Variants in DNAI7 observed in about 807,000 individuals in gnomAD.
DNAI7 encodes the protein dynein axonemal intermediate chain 7.
A neutral mutation model predicts 86.6 loss-of-function variants in DNAI7; 78 were observed. The observed-to-expected ratio is 0.90, with a 90% CI of 0.75 to 1.09. The LOEUF is 1.09. Among genes scored for constraint, DNAI7 ranks in the 50% least tolerant of loss-of-function variants. The pLI is 0.00. For synonymous variants in DNAI7, 274 were observed against 273.0 expected, an observed-to-expected ratio of 1.00 and a Z score of -0.04; for missense variants, 753 against 810.2, an observed-to-expected ratio of 0.93 and a Z score of 0.86.
chr12:25,109,768 T>G (rs917187398), intron 15 of DNAI7, among the ~76,000 whole-genome samples: 4 of 152,120 alleles, frequency 2.6e-5, no homozygotes, highest in African/African-American at 9.7e-5. Flanking sequence ...AACCTCCACC[T>G]CTCAGGTTCA....
In DNAI7 at chr12:25,108,497, C is replaced by T. The variant is rs1399797767; in HGVS notation, c.*51G>A. ...TACATTGTGTTGCAGAAATACCTGTCTTTCACCATGCTTGGTTCTTCATAC... is the reference window on the plus strand; with the variant it reads ...TACATTGTGTTGCAGAAATACCTGTTTTTCACCATGCTTGGTTCTTCATAC... On this transcript the variant is annotated 3_prime_UTR_variant, in exon 16 of 16. Transcript: ENST00000395987. 6.7e-7 allele frequency: 1 copy of T among 1,492,890 alleles called. No individual in the cohort carries two copies. The highest frequency in any genetic ancestry group is 2.3e-5 in the East Asian group (1 of 43,636). 92.5% of individuals were successfully genotyped at this position (1,492,890 alleles called of 1,614,324 possible).
At chr12:25,174,407 G>GATATATATATCATAT (rs1379019332) in intron 2 of DNAI7, among the ~76,000 whole-genome samples, 5 of 274 alleles carry the variant, frequency 0.018, no homozygotes, top group Non-Finnish European at 0.089. Context: ...ATATATATGG[G>GATATATATATCATAT]ATATATGGGA....
intron 5 of DNAI7, 31 bp from the exon 6 acceptor site, chr12:25,154,487 T>C (rs566969018): frequency 4.2e-5 from 66 of 1,580,276 alleles, no homozygotes; most frequent in Non-Finnish European, 3.5e-5. Flanking sequence ...AAGGTTCACA[T>C]TGATGAAGAT....
At chr12:25,153,894 G>C (rs888089544) in intron 6 of DNAI7, among the ~76,000 whole-genome samples, 3 of 152,120 alleles carry the variant, frequency 2.0e-5, no homozygotes, top group Non-Finnish European at 4.4e-5. Flanking sequence ...AGGAACAAAA[G>C]TTAGAATATT....
rs1940807432 is a variant in DNAI7 at position 25,119,308 on chromosome 12, A to T, written c.1240-7T>A. On this transcript the variant is annotated splice_region_variant and splice_polypyrimidine_tract_variant and intron_variant, in intron 11 of 15. Transcript: ENST00000395987. ...GTAATCCTTCTTTGAGTATCTTTTT[A>T]AAATGACCAAAACAACATCAAGTTA... 6.3e-7 allele frequency: 1 copy of T among 1,589,840 alleles called. No homozygotes were observed.
At chr12:25,166,192 A>G (rs968172611) in intron 2 of DNAI7, among the ~76,000 whole-genome samples, 1 of 152,204 alleles carries the variant, frequency 6.6e-6, no homozygotes, top group African/African-American at 2.4e-5. Flanking sequence ...CGCCTGCTAC[A>G]GCATGGCCTT....
At chr12:25,136,005 G>A (rs1016223851) in intron 9 of DNAI7, among the ~76,000 whole-genome samples, 1 of 152,098 alleles carries the variant, frequency 6.6e-6, no homozygotes. Context: ...ACTTATCCAG[G>A]TTACCTTAGG....
chr12:25,107,093 G>A (rs752106415), downstream of DNAI7: 92 of 1,139,188 alleles, frequency 8.1e-5, no homozygotes, highest in Non-Finnish European at 1.1e-4. Context: ...TAGTGGAATG[G>A]GAAAGGGTGA....
chr12:25,164,755 G>A (rs117991678), intron 2 of DNAI7, among the ~76,000 whole-genome samples: 8,978 of 151,704 alleles, frequency 0.059, 366 homozygotes, highest in Non-Finnish European at 0.089. Flanking sequence ...AACCCCACGC[G>A]TCGCTGAGTC....
intron 9 of DNAI7, among the ~76,000 whole-genome samples, chr12:25,126,648 A>G (rs1942174733): frequency 6.6e-6 from 1 of 152,186 alleles, no homozygotes; most frequent in Non-Finnish European, 1.5e-5. Context: ...AAGAAAAGGA[A>G]GAGGAAGGAC....
intron 12 of DNAI7, among the ~76,000 whole-genome samples, chr12:25,117,261 T>C (rs1940308770): frequency 6.6e-6 from 1 of 152,180 alleles, no homozygotes; most frequent in African/African-American, 2.4e-5. Context: ...AGACTATTTC[T>C]AGAATATAAA....
chr12:25,191,665 T>C (rs1950533056), intron 1 of DNAI7, among the ~76,000 whole-genome samples: 1 of 151,948 alleles, frequency 6.6e-6, no homozygotes, highest in African/African-American at 2.4e-5. Flanking sequence ...ATCGCACCAC[T>C]GCACTCCAGT....
chr12:25,150,601 CAAAAAAAAAAA>C (rs58511191), intron 6 of DNAI7, among the ~76,000 whole-genome samples: 3 of 89,008 alleles, frequency 3.4e-5, no homozygotes, highest in South Asian at 4.0e-4. Context: ...GACTCTGTCT[CAAAAAAAAAAA>C]AAAAAAAAAA....
chr12:25,184,952 G>T (rs1185735723), intron 2 of DNAI7, among the ~76,000 whole-genome samples: 1 of 147,934 alleles, frequency 6.8e-6, no homozygotes, highest in Non-Finnish European at 1.5e-5. Flanking sequence ...CAACACAGTG[G>T]GATCCCATCT....
chr12:25,150,125 C>T (rs1276802977), intron 6 of DNAI7, among the ~76,000 whole-genome samples: 1 of 152,122 alleles, frequency 6.6e-6, no homozygotes, highest in Non-Finnish European at 1.5e-5. Flanking sequence ...TTTCAATCCC[C>T]AGTGTAATAA....
rs563488914 is a variant in DNAI7 at position 25,137,324 on chromosome 12, A to G, written c.1002+7041T>C. Reference sequence around the variant, plus strand: ...GGAAAGATAAAGTCTTTTTCAGACAAACAAATGCTAAGAGAATTTACCACT... The same window carrying G: ...GGAAAGATAAAGTCTTTTTCAGACAGACAAATGCTAAGAGAATTTACCACT... On this transcript the variant is annotated intron_variant, in intron 9 of 15. Transcript: ENST00000395987. Among the ~76,000 whole-genome samples, 5 of 152,332 alleles carry G rather than the reference A, an allele frequency of 3.3e-5. No homozygotes were observed. The South Asian group carries it at 1.0e-3, about 32-fold the overall frequency.
chr12:25,181,750 T>C (rs1407228513), intron 2 of DNAI7, among the ~76,000 whole-genome samples: 1 of 151,942 alleles, frequency 6.6e-6, no homozygotes, highest in African/African-American at 2.4e-5. Context: ...AGAGGACATA[T>C]AAGTGGCAAC....
At chr12:25,127,762 A>G (rs1222566102) in intron 9 of DNAI7, among the ~76,000 whole-genome samples, 1 of 152,222 alleles carries the variant, frequency 6.6e-6, no homozygotes, top group Non-Finnish European at 1.5e-5. Flanking sequence ...GTATATGTGC[A>G]ATTTGAATTT....
chr12:25,133,378 T>C (rs893780006), intron 9 of DNAI7, among the ~76,000 whole-genome samples: 2 of 152,238 alleles, frequency 1.3e-5, no homozygotes, highest in Non-Finnish European at 2.9e-5. Flanking sequence ...TTTGAGCTGC[T>C]GATTGTCTTT....
Sources: gnomAD v4.1 joint callset for allele counts (sites outside exome capture counted in the v4.1 genomes callset) on GRCh38, gnomAD v4.1.1 for gene constraint, MANE v1.5 for transcripts, NCBI Gene and HGNC (gene_info 2026-07-23, HGNC 2026-07-21) for gene names.